PLCE1: variants seen among roughly 807,000 people sequenced by gnomAD.
PLCE1 encodes 1-phosphatidylinositol 4,5-bisphosphate phosphodiesterase epsilon-1.
Under a neutral mutation model 242.8 loss-of-function variants are expected in PLCE1, and 119 were observed. The ratio of observed to expected loss-of-function variants is 0.49; its 90% CI spans 0.42 to 0.57. The LOEUF (loss-of-function observed/expected upper bound fraction) is 0.57, where lower values mean the gene tolerates loss of function less well. Ranked by LOEUF, PLCE1 falls within the 20% of genes least tolerant of loss-of-function variation. The pLI is 0.00. For missense variants in PLCE1, 2,441 were observed against 2,788.8 expected (o/e 0.88, Z 2.81); for synonymous variants, 945 against 1,017.4 (o/e 0.93, Z 1.35).
In PLCE1 at chr10:94,246,547, G is replaced by T; in HGVS notation, c.3022G>T (p.Ala1008Ser). The T allele has an allele frequency of 6.2e-7, 1 of 1,614,134 alleles. No homozygotes were observed. The highest frequency in any genetic ancestry group is 8.5e-7 in the Non-Finnish European group (1 of 1,179,956). The stretch of plus-strand genomic sequence containing the variant: ...CAGCGGATTATTGGAACTCACTAGA[G>T]CTGTGAGAAAGATGAGGAAATTCCC... The part of the protein sequence containing the change: ...LFSGLLELTR[A>S]VRKMRKFPDQ... Residue 1008 changes from alanine (A) to serine (S), a missense_variant, in exon 8 of 33, where the codon GCT becomes TCT. Ala to Ser is a moderately conservative substitution (Grantham distance 99). Around this residue, in one of 5 missense-constraint regions of PLCE1, gnomAD observed 1,004 missense variants for 1,322.7 expected, o/e 0.76. Transcript: ENST00000371380.
rs1340189062 is a variant in PLCE1 at position 93,993,952 on chromosome 10, G to A, written c.-671G>A. Among the ~76,000 whole-genome samples, 2 of 151,162 alleles carry A rather than the reference G, an allele frequency of 1.3e-5. No homozygotes were observed. Among genetic ancestry groups the A allele is most frequent in the African/African-American group, 4.8e-5 (2 of 41,342 alleles). ...GTCCGGGCAGCGCGCACATCTCGGC[G>A]GGAGCGGACTGTGAACGGCGCGGGT... On this transcript the variant is annotated 5_prime_UTR_variant, in exon 1 of 33. Coordinates refer to ENST00000371380, the MANE Select transcript of PLCE1 (RefSeq NM_016341.4).
At chr10:94,135,377 G>A (rs2046737752) in intron 3 of PLCE1, among the ~76,000 whole-genome samples, 1 of 152,170 alleles carries the variant, frequency 6.6e-6, no homozygotes, top group Non-Finnish European at 1.5e-5. Flanking sequence ...CATGTACTCT[G>A]CCAGAGGATC....
At chr10:94,327,068 A>G (rs1303639816) in intron 32 of PLCE1, among the ~76,000 whole-genome samples, 2 of 152,188 alleles carry the variant, frequency 1.3e-5, no homozygotes, top group Non-Finnish European at 2.9e-5. Flanking sequence ...AGGCTGAGGC[A>G]GGAGAATCGC....
intron 4 of PLCE1, among the ~76,000 whole-genome samples, chr10:94,204,001 A>C (rs1437624270): frequency 6.6e-6 from 1 of 152,200 alleles, no homozygotes; most frequent in Non-Finnish European, 1.5e-5. Context: ...TTACCTATAA[A>C]TTGTAAAATA....
chr10:94,192,830 C>T (rs1006231918), intron 4 of PLCE1, among the ~76,000 whole-genome samples: 1 of 152,178 alleles, frequency 6.6e-6, no homozygotes, highest in African/African-American at 2.4e-5. Flanking sequence ...CATAGCCTCA[C>T]AAGCATCTCA....
chr10:94,285,966 T>G (rs753361692), intron 22 of PLCE1, among the ~76,000 whole-genome samples: 3 of 152,168 alleles, frequency 2.0e-5, no homozygotes, highest in Non-Finnish European at 2.9e-5. Context: ...CCTTACCCGT[T>G]ATACTGCCTG....
intron 3 of PLCE1, among the ~76,000 whole-genome samples, chr10:94,161,485 T>C (rs1240852596): frequency 6.6e-6 from 1 of 152,234 alleles, no homozygotes; most frequent in Non-Finnish European, 1.5e-5. Context: ...AGAATACTTG[T>C]AATTTTTGCA....
chr10:94,283,754 G>T (rs1396555143), intron 20 of PLCE1, 36 bp from the exon 21 acceptor site: 1 of 1,602,260 alleles, frequency 6.2e-7, no homozygotes, highest in Non-Finnish European at 8.5e-7. Context: ...GAAGCATTGG[G>T]TTCGTTTTCA....
rs563269053 is a variant in PLCE1 at position 94,171,511 on chromosome 10, T to G, written c.1809+15T>G. ...GGTTTAATGAGGTAAGAAGCCACTTTTTGATGTCTTGGTATTTGACTCACC... is the reference window on the plus strand; with the variant it reads ...GGTTTAATGAGGTAAGAAGCCACTTGTTGATGTCTTGGTATTTGACTCACC... On this transcript the variant is annotated intron_variant, in intron 4 of 32. Coordinates refer to ENST00000371380, the MANE Select transcript of PLCE1 (RefSeq NM_016341.4). The G allele has an allele frequency of 2.8e-5, 45 of 1,602,428 alleles. No homozygotes were observed. Among genetic ancestry groups the G allele is most frequent in the Admixed American group, 6.7e-5 (4 of 60,000 alleles).
At chr10:94,102,823 C>T (rs2045588047) in intron 2 of PLCE1, among the ~76,000 whole-genome samples, 1 of 152,324 alleles carries the variant, frequency 6.6e-6, no homozygotes, top group Admixed American at 6.5e-5. Context: ...ATGGGACAGG[C>T]GGCTCTTTGA....
rs530860675 is a variant in PLCE1 at position 94,004,844 on chromosome 10, G to A, written c.-365+10586G>A. Among the ~76,000 whole-genome samples the A allele has an allele frequency of 2.0e-5, 3 of 152,330 alleles. No homozygotes were observed. In the East Asian group the frequency reaches 5.8e-4, roughly 29 times the overall value. On this transcript the variant is annotated intron_variant, in intron 1 of 32. Transcript: ENST00000371380. ...GAGTTTACCTGAGCCAGATGATCATGCAGGTGGGGACCTGACACTTTCTGT... is the reference window on the plus strand; with the variant it reads ...GAGTTTACCTGAGCCAGATGATCATACAGGTGGGGACCTGACACTTTCTGT...
chr10:94,101,244 G>A (rs182179577), intron 2 of PLCE1, among the ~76,000 whole-genome samples: 309 of 152,266 alleles, frequency 2.0e-3, no homozygotes, highest in African/African-American at 6.9e-3. Flanking sequence ...TCGGGGCTTC[G>A]GTGTTCTCAT....
At chr10:94,309,191 G>A (rs549570511) in intron 27 of PLCE1, among the ~76,000 whole-genome samples, 1 of 152,382 alleles carries the variant, frequency 6.6e-6, no homozygotes, top group South Asian at 2.1e-4. Context: ...GCAGAGCAAG[G>A]CTGGAGTGAG....
chr10:94,192,023 A>G (rs759195312), intron 4 of PLCE1, among the ~76,000 whole-genome samples: 21 of 152,352 alleles, frequency 1.4e-4, no homozygotes, highest in Non-Finnish European at 2.5e-4. Context: ...ATTTTTAAAA[A>G]TTTAATTGTA....
chr10:94,158,480 A>G (rs2047500706), intron 3 of PLCE1, among the ~76,000 whole-genome samples: 1 of 152,214 alleles, frequency 6.6e-6, no homozygotes, highest in Non-Finnish European at 1.5e-5. Context: ...TTTGCCATAA[A>G]AAGAACAGAT....
rs867195806 is a variant in PLCE1, at chr10:94,246,294, G to T, written c.2769G>T (p.Leu923=). ...NTAEPGKFPL[L]GNAGLSSLTE... Reference sequence around the variant, plus strand: ...CTGAGCCTGGAAAATTCCCACTACTGGGTAATGCTGGATTAAGTAGCCTGA... The same window carrying T: ...CTGAGCCTGGAAAATTCCCACTACTTGGTAATGCTGGATTAAGTAGCCTGA... Residue 923 remains leucine, a synonymous_variant, in exon 8 of 33, where the codon CTG becomes CTT. Coordinates refer to ENST00000371380, the MANE Select transcript of PLCE1 (RefSeq NM_016341.4). 6.2e-6 allele frequency: 10 copies of T among 1,614,158 alleles called. No homozygotes were observed. The Middle Eastern group carries it at 1.6e-3, about 266-fold the overall frequency.
At chr10:94,322,749 C>T (rs11187864) in intron 30 of PLCE1, among the ~76,000 whole-genome samples, 10,422 of 151,380 alleles carry the variant, frequency 0.069, 477 homozygotes, top group East Asian at 0.2. Context: ...CATGCCATTG[C>T]GCGTCAGCCT....
intron 3 of PLCE1, among the ~76,000 whole-genome samples, chr10:94,167,759 T>C (rs969215025): frequency 1.3e-5 from 2 of 149,260 alleles, no homozygotes; most frequent in African/African-American, 4.9e-5. Flanking sequence ...TTTTTGTCCT[T>C]GCGATAGTTT....
intron 22 of PLCE1, chr10:94,287,290 G>A (rs2052483931): frequency 6.6e-6 from 1 of 152,104 alleles, no homozygotes; most frequent in South Asian, 2.1e-4. Flanking sequence ...TGGATTGCCA[G>A]AATGATTGTT....
Sources: allele counts gnomAD v4.1 joint callset (sites outside exome capture counted in the v4.1 genomes callset), GRCh38; gene constraint gnomAD v4.1.1; regional missense constraint gnomAD v4.1.1; transcripts MANE v1.5; gene names NCBI Gene and HGNC (gene_info 2026-07-23, HGNC 2026-07-21).